The following PTPRG variants were observed in gnomAD, a reference collection of about 807,000 sequenced individuals.
The protein encoded by PTPRG is protein tyrosine phosphatase receptor type G, also known as receptor-type tyrosine-protein phosphatase gamma.
Under a neutral mutation model 165.3 loss-of-function variants are expected in PTPRG, and 102 were observed. The observed-to-expected ratio is 0.62, with a 90% confidence interval of 0.53 to 0.73. The LOEUF is 0.73. Ranked by LOEUF, PTPRG falls within the 30% of genes least tolerant of loss-of-function variation. The pLI is 0.00. For synonymous variants in PTPRG, 675 were observed against 669.5 expected (o/e 1.01, Z -0.13); for missense variants, 1,866 against 1,861.4 (o/e 1.00, Z -0.05).
intron 7 of PTPRG, among the ~76,000 whole-genome samples, chr3:62,160,281 C>G (rs961311542): frequency 6.6e-6 from 1 of 152,212 alleles, no homozygotes; most frequent in African/African-American, 2.4e-5. Flanking sequence ...AATCTTTCTT[C>G]TCTTGTTCCC....
intron 4 of PTPRG, among the ~76,000 whole-genome samples, chr3:62,015,983 T>A (rs1018666711): frequency 6.6e-5 from 10 of 152,154 alleles, no homozygotes; most frequent in African/African-American, 2.2e-4. Context: ...TATTCAAATC[T>A]TGTGTAATAC....
intron 4 of PTPRG, among the ~76,000 whole-genome samples, chr3:62,052,033 G>T (rs1197040927): frequency 6.6e-6 from 1 of 152,072 alleles, no homozygotes; most frequent in African/African-American, 2.4e-5. Flanking sequence ...AGTAAAAAAA[G>T]GATCTAATCA....
rs910777175 is a variant in PTPRG, at chr3:62,116,213, C to T, written c.616-16389C>T. On this transcript the variant is annotated intron_variant, in intron 5 of 29. Coordinates refer to ENST00000474889, the MANE Select transcript of PTPRG (RefSeq NM_002841.4). ...TTGCCTGTGAGGTTCTGCTGACTTC[C>T]GTTGTCATAGGACAGATTGAAAATC... 3.3e-5 allele frequency among the ~76,000 whole-genome samples: 5 copies of T among 152,116 alleles called. No homozygotes were observed. The South Asian group carries it at 6.3e-4, about 19-fold the overall frequency.
intron 1 of PTPRG, among the ~76,000 whole-genome samples, chr3:61,733,906 T>A (rs2032618362): frequency 6.6e-6 from 1 of 152,192 alleles, no homozygotes; most frequent in South Asian, 2.1e-4. Flanking sequence ...CAAGCGGTCC[T>A]CACACCTCAG....
chr3:62,173,478 A>C (rs189730743), intron 8 of PTPRG, among the ~76,000 whole-genome samples: 6 of 152,176 alleles, frequency 3.9e-5, no homozygotes, highest in South Asian at 2.1e-4. Context: ...CCCCCACTCT[A>C]TGGAGTAGCT....
At chr3:61,714,004 T>C (rs976064030) in intron 1 of PTPRG, among the ~76,000 whole-genome samples, 21 of 152,266 alleles carry the variant, frequency 1.4e-4, no homozygotes, top group African/African-American at 4.8e-4. Flanking sequence ...AAGTGATATA[T>C]GTTATGAAAC....
intron 6 of PTPRG, 42 bp from the exon 7 acceptor site, chr3:62,157,025 G>T: frequency 6.5e-7 from 1 of 1,534,802 alleles, no homozygotes; most frequent in South Asian, 1.1e-5. Context: ...GGAATGGCAT[G>T]ACTTACCATT....
chr3:61,738,869 G>A (rs998941039), intron 1 of PTPRG, among the ~76,000 whole-genome samples: 6 of 151,926 alleles, frequency 3.9e-5, no homozygotes, highest in African/African-American at 1.2e-4. Flanking sequence ...CAGACTCCTG[G>A]GCACAAGTGA....
intron 5 of PTPRG, among the ~76,000 whole-genome samples, chr3:62,128,184 C>A (rs1020727812): frequency 6.6e-6 from 1 of 152,036 alleles, no homozygotes; most frequent in Admixed American, 6.6e-5. Context: ...AGTGGAAGTG[C>A]CAGGAGCGAA....
Position 62,231,689 on chromosome 3 carries a change from A to T in PTPRG, c.2375+378A>T, listed in dbSNP as rs182757130. On this transcript the variant is annotated intron_variant, in intron 14 of 29. Transcript: ENST00000474889. The stretch of plus-strand genomic sequence containing the variant: ...TTTTAAAAAAACATATAATGCATGC[A>T]TATAGCCTTATGTGAAAAATACCTC... Among the ~76,000 whole-genome samples the T allele has an allele frequency of 6.0e-4, 92 of 152,314 alleles. No individual in the cohort carries two copies. In the East Asian group the frequency reaches 0.017, roughly 29 times the overall value.
chr3:62,001,009 G>A (rs555815701), intron 3 of PTPRG, among the ~76,000 whole-genome samples: 3 of 151,662 alleles, frequency 2.0e-5, no homozygotes, highest in Admixed American at 6.6e-5. Context: ...GGTTACCACT[G>A]TTAAGTGGCA....
intron 2 of PTPRG, among the ~76,000 whole-genome samples, chr3:61,799,306 A>G (rs768023493): frequency 3.3e-5 from 5 of 151,766 alleles, no homozygotes; most frequent in Non-Finnish European, 5.9e-5. Flanking sequence ...TAATCTGTGC[A>G]GTACAAAGCC....
intron 1 of PTPRG, among the ~76,000 whole-genome samples, chr3:61,726,800 C>G (rs2032276025): frequency 6.6e-6 from 1 of 152,120 alleles, no homozygotes; most frequent in African/African-American, 2.4e-5. Context: ...GTAATCCCAG[C>G]ACTTTGGGAG....
At chr3:61,876,674 C>T (rs562027312) in intron 2 of PTPRG, among the ~76,000 whole-genome samples, 13 of 152,154 alleles carry the variant, frequency 8.5e-5, no homozygotes, top group East Asian at 5.8e-4. Flanking sequence ...TTTGGGAGGC[C>T]GAGGCGGGCG....
At chr3:61,655,865 A>G (rs1176520125) in intron 1 of PTPRG, among the ~76,000 whole-genome samples, 1 of 152,160 alleles carries the variant, frequency 6.6e-6, no homozygotes, top group Non-Finnish European at 1.5e-5. Flanking sequence ...GTCTTGGCCA[A>G]CCAATTGTGA....
At chr3:61,651,014 A>G (rs1421724260) in intron 1 of PTPRG, among the ~76,000 whole-genome samples, 1 of 152,070 alleles carries the variant, frequency 6.6e-6, no homozygotes, top group African/African-American at 2.4e-5. Flanking sequence ...GCTGACTCTA[A>G]TGGCTCCGAT....
rs373355164 is a variant in PTPRG at position 62,107,286 on chromosome 3, A to G, written c.616-25316A>G. Among the ~76,000 whole-genome samples, 6 of 152,248 alleles carry G rather than the reference A, an allele frequency of 3.9e-5. No homozygotes were observed. The East Asian group carries it at 5.8e-4, about 15-fold the overall frequency. On this transcript the variant is annotated intron_variant, in intron 5 of 29. Transcript: ENST00000474889. ...CACTCATACCATGAAGCATACTTCT[A>G]TAATATGATTAGTCACCTCCTAATT...
At chr3:61,898,039 A>C (rs191524592) in intron 2 of PTPRG, among the ~76,000 whole-genome samples, 1 of 151,872 alleles carries the variant, frequency 6.6e-6, no homozygotes, top group African/African-American at 2.4e-5. Context: ...GTATGACTTT[A>C]CTTCTCTTTT....
At chr3:61,647,243 TC>T (rs1353576671) in intron 1 of PTPRG, among the ~76,000 whole-genome samples, 4 of 152,200 alleles carry the variant, frequency 2.6e-5, no homozygotes, top group African/African-American at 7.2e-5. Flanking sequence ...GAACAGCTCT[TC>T]CTGTCTTTCA....
Sources: gnomAD v4.1 joint callset for allele counts (sites outside exome capture counted in the v4.1 genomes callset) on GRCh38, gnomAD v4.1.1 for gene constraint, MANE v1.5 for transcripts, NCBI Gene and HGNC (gene_info 2026-07-23, HGNC 2026-07-21) for gene names.